The following NFIB variants were observed in gnomAD, a reference collection of about 807,000 sequenced individuals.
The protein encoded by NFIB is nuclear factor 1 B-type.
In NFIB, 11 loss-of-function variants were observed where a neutral mutation model predicts 61.5. That is an observed-to-expected ratio of 0.18 (90% CI 0.11 to 0.30). NFIB has a LOEUF of 0.30. NFIB is among the 10% of genes least tolerant of loss of function. The pLI, the probability that NFIB is intolerant of heterozygous loss-of-function variation, is 1.00. For synonymous variants in NFIB, 260 were observed against 216.5 expected (o/e 1.20, Z -1.76); for missense variants, 471 against 608.9 (o/e 0.77, Z 2.38).
intron 6 of NFIB, among the ~76,000 whole-genome samples, chr9:14,134,611 G>A (rs906656069): frequency 3.9e-5 from 6 of 152,106 alleles, no homozygotes; most frequent in Non-Finnish European, 8.8e-5. Flanking sequence ...AAAGTGGAAG[G>A]CTGGATGGGG....
At chr9:14,228,464 C>T (rs2052721766) in intron 2 of NFIB, among the ~76,000 whole-genome samples, 1 of 151,936 alleles carries the variant, frequency 6.6e-6, no homozygotes. Flanking sequence ...CCAAAGCCTC[C>T]CAGAACCGCA....
chr9:14,264,577 T>C (rs1249025543), intron 2 of NFIB, among the ~76,000 whole-genome samples: 1 of 152,178 alleles, frequency 6.6e-6, no homozygotes, highest in Admixed American at 6.5e-5. Flanking sequence ...ATCTGAGGAT[T>C]ACCCAGATTA....
intron 2 of NFIB, among the ~76,000 whole-genome samples, chr9:14,240,906 A>T (rs2054277005): frequency 6.6e-6 from 1 of 152,202 alleles, no homozygotes; most frequent in African/African-American, 2.4e-5. Flanking sequence ...ACAGCGTAAG[A>T]TGGAGCTCTG....
At chr9:14,369,706 C>T (rs945202200) in intron 1 of NFIB, among the ~76,000 whole-genome samples, 26 of 152,282 alleles carry the variant, frequency 1.7e-4, no homozygotes, top group African/African-American at 5.5e-4. Flanking sequence ...TTAGTCACCA[C>T]GTTTTATTGT....
chr9:14,485,527 A>G, the NFIB span, among the ~76,000 whole-genome samples: 1 of 152,324 alleles, frequency 6.6e-6, no homozygotes, highest in Middle Eastern at 3.4e-3. Flanking sequence ...AAACATTATG[A>G]GTCTACTAAA....
chr9:14,269,605 T>C (rs1434632867), intron 2 of NFIB, among the ~76,000 whole-genome samples: 1 of 152,214 alleles, frequency 6.6e-6, no homozygotes, highest in Non-Finnish European at 1.5e-5. Flanking sequence ...TGCACACATA[T>C]ATGTCTGAAC....
chr9:14,204,551 T>C, intron 2 of NFIB: 1 of 1,365,478 alleles, frequency 7.3e-7, no homozygotes, highest in Non-Finnish European at 1.0e-6. Context: ...GCCCCACAAG[T>C]ACAGACCAGA....
intron 10 of NFIB, among the ~76,000 whole-genome samples, chr9:14,109,373 G>A (rs904267680): frequency 1.3e-5 from 2 of 151,936 alleles, no homozygotes; most frequent in Non-Finnish European, 1.5e-5. Flanking sequence ...AGGATATACT[G>A]CATTTTACTG....
intron 2 of NFIB, among the ~76,000 whole-genome samples, chr9:14,217,957 CAA>C (rs1160134529): frequency 1.3e-5 from 2 of 152,120 alleles, no homozygotes; most frequent in Non-Finnish European, 2.9e-5. Flanking sequence ...TGGTAGAGCA[CAA>C]AAATGTAAGC....
chr9:14,289,002 A>T (rs2058896809), intron 2 of NFIB, among the ~76,000 whole-genome samples: 1 of 151,622 alleles, frequency 6.6e-6, no homozygotes, highest in African/African-American at 2.4e-5. Context: ...TATTAAACAC[A>T]TACCAAAATA....
intron 2 of NFIB, among the ~76,000 whole-genome samples, chr9:14,196,783 CTTAA>C (rs1478571535): frequency 2.0e-5 from 3 of 151,630 alleles, no homozygotes; most frequent in African/African-American, 7.3e-5. Flanking sequence ...AATCAGACTA[CTTAA>C]TTAAGTGTTT....
At chr9:14,478,006 A>G in the NFIB span, among the ~76,000 whole-genome samples, 1 of 151,916 alleles carries the variant, frequency 6.6e-6, no homozygotes, top group Non-Finnish European at 1.5e-5. Flanking sequence ...TCTCCTCAAG[A>G]TTTCTACATA....
intron 3 of NFIB, among the ~76,000 whole-genome samples, chr9:14,165,092 G>T (rs2131306128): frequency 6.6e-6 from 1 of 152,206 alleles, no homozygotes; most frequent in East Asian, 1.9e-4. Flanking sequence ...TTAAAAATTT[G>T]ACAATCCTAG....
At chr9:14,187,592 T>C (rs2047521981) in intron 2 of NFIB, among the ~76,000 whole-genome samples, 1 of 152,184 alleles carries the variant, frequency 6.6e-6, no homozygotes, top group African/African-American at 2.4e-5. Flanking sequence ...GTTTCATTCC[T>C]GAACATCCCA....
At chr9:14,503,003 C>G in the NFIB span, among the ~76,000 whole-genome samples, 3 of 151,902 alleles carry the variant, frequency 2.0e-5, no homozygotes, top group Non-Finnish European at 4.4e-5. Context: ...TGATTTACTT[C>G]ACTTAGAATG....
At chr9:14,198,044 C>T (rs1256898812) in intron 2 of NFIB, among the ~76,000 whole-genome samples, 2 of 152,136 alleles carry the variant, frequency 1.3e-5, no homozygotes, top group East Asian at 3.9e-4. Flanking sequence ...ACACGTTGCC[C>T]CCTATATTCA....
At chr9:14,413,657 T>A in the NFIB span, among the ~76,000 whole-genome samples, 1 of 152,128 alleles carries the variant, frequency 6.6e-6, no homozygotes, top group African/African-American at 2.4e-5. Flanking sequence ...GAATGCTTGA[T>A]TACATTTAAG....
intron 1 of NFIB, among the ~76,000 whole-genome samples, chr9:14,331,857 T>A (rs1221996961): frequency 1.3e-5 from 2 of 152,212 alleles, no homozygotes; most frequent in Non-Finnish European, 2.9e-5. Flanking sequence ...TGAAACATAG[T>A]CCTTTCTCAA....
At chr9:14,243,710 C>T (rs978956380) in intron 2 of NFIB, among the ~76,000 whole-genome samples, 2 of 151,916 alleles carry the variant, frequency 1.3e-5, no homozygotes, top group South Asian at 4.2e-4. Context: ...CGTAAAAGTT[C>T]GTCCTAAGAA....
Sources: allele counts gnomAD v4.1 joint callset (sites outside exome capture counted in the v4.1 genomes callset), GRCh38; gene constraint gnomAD v4.1.1; transcripts MANE v1.5; gene names NCBI Gene and HGNC (gene_info 2026-07-23, HGNC 2026-07-21).